The following LRCH2 variants were observed in gnomAD, a reference collection of about 807,000 sequenced individuals.
LRCH2 encodes the protein leucine-rich repeat and calponin homology domain-containing protein 2.
Under a neutral mutation model 68.9 loss-of-function variants are expected in LRCH2, and 38 were observed. That is an observed-to-expected ratio of 0.55 (90% CI 0.43 to 0.72). LRCH2 has a LOEUF of 0.72. Among genes scored for constraint, LRCH2 ranks in the 30% least tolerant of loss-of-function variants. LRCH2 has a pLI of 0.00. For missense variants in LRCH2, 528 were observed against 572.9 expected, an observed-to-expected ratio of 0.92 and a Z score of 0.80; for synonymous variants, 191 against 208.1, an observed-to-expected ratio of 0.92 and a Z score of 0.71.
chrX:115,135,481 T>C (rs1413892220), intron 14 of LRCH2, among the ~76,000 whole-genome samples: 1 of 111,229 alleles, frequency 9.0e-6, no homozygotes, highest in Non-Finnish European at 1.9e-5. Flanking sequence ...ATGATAAAAC[T>C]TTAACAAATA....
chrX:115,213,065 T>C (rs927305685), intron 1 of LRCH2, among the ~76,000 whole-genome samples: 1 of 110,347 alleles, frequency 9.1e-6, no homozygotes, highest in African/African-American at 3.3e-5. Flanking sequence ...TCCTAGAGTG[T>C]TGGGATTACA....
intron 3 of LRCH2, among the ~76,000 whole-genome samples, chrX:115,180,143 A>G (rs1310114679): frequency 8.9e-6 from 1 of 111,746 alleles, no homozygotes; most frequent in Non-Finnish European, 1.9e-5. Flanking sequence ...TTGTCTCGAG[A>G]TACTTGGCTG....
At chrX:115,132,862 T>C (rs1452485701) in intron 14 of LRCH2, among the ~76,000 whole-genome samples, 6 of 112,235 alleles carry the variant, frequency 5.3e-5, no homozygotes, top group Non-Finnish European at 9.4e-5. Flanking sequence ...GTGGTTACTC[T>C]GTGGCAAGTG....
At chrX:115,145,816 G>A (rs782598326) in intron 14 of LRCH2, among the ~76,000 whole-genome samples, 2 of 111,506 alleles carry the variant, frequency 1.8e-5, no homozygotes, top group South Asian at 7.5e-4. Flanking sequence ...TGGAGAAAAG[G>A]GAACCCTCGT....
chrX:115,125,063 C>T (rs2072174626), intron 16 of LRCH2, among the ~76,000 whole-genome samples: 1 of 110,659 alleles, frequency 9.0e-6, no homozygotes, highest in South Asian at 3.9e-4. Context: ...TTTGTCTTCA[C>T]TATTTTGGTT....
At chrX:115,155,848 G>C (rs2072470602) in intron 12 of LRCH2, among the ~76,000 whole-genome samples, 1 of 111,763 alleles carries the variant, frequency 8.9e-6, no homozygotes, top group East Asian at 2.8e-4. Context: ...GAATGTACAA[G>C]ATGAAGCTCT....
intron 1 of LRCH2, among the ~76,000 whole-genome samples, chrX:115,193,369 C>T (rs2072861064): frequency 9.0e-6 from 1 of 111,554 alleles, no homozygotes; most frequent in African/African-American, 3.3e-5. Flanking sequence ...ACCTCAAATT[C>T]TACAAATATA....
At chrX:115,158,810 C>T (rs1182283445) in intron 11 of LRCH2, among the ~76,000 whole-genome samples, 3 of 111,723 alleles carry the variant, frequency 2.7e-5, no homozygotes, top group African/African-American at 9.7e-5. Context: ...ATATTTTAAT[C>T]CTTTCTTTAG....
At chrX:115,150,704 C>T (rs1390344313) in intron 12 of LRCH2, among the ~76,000 whole-genome samples, 1 of 109,025 alleles carries the variant, frequency 9.2e-6, no homozygotes, top group African/African-American at 3.3e-5. Context: ...AGTGCAATAA[C>T]AAAAAGAAAA....
At chrX:115,190,108 G>A (rs1569515651) in intron 1 of LRCH2, 10 of 1,155,608 alleles carry the variant, frequency 8.7e-6, no homozygotes, top group Non-Finnish European at 1.2e-5. Context: ...TGGAATGCCT[G>A]GGAAGGCCCC....
intron 15 of LRCH2, among the ~76,000 whole-genome samples, chrX:115,128,246 T>G (rs781872583): frequency 3.1e-4 from 35 of 111,798 alleles, no homozygotes; most frequent in African/African-American, 1.1e-3. Flanking sequence ...TAAGAAAATG[T>G]TTTCTGTCAA....
Position 115,122,961 on chromosome X carries a change from C to G in LRCH2, c.1963-64G>C, listed in dbSNP as rs1218063017. On this transcript the variant is annotated intron_variant, in intron 18 of 20. Coordinates refer to ENST00000317135, the MANE Select transcript of LRCH2 (RefSeq NM_020871.4). ...ACATACATGTTAAATGTTTATATTACTAATTGTTGTATATCCAAACATTTT... is the reference window on the plus strand; with the variant it reads ...ACATACATGTTAAATGTTTATATTAGTAATTGTTGTATATCCAAACATTTT... The G allele has an allele frequency of 1.2e-5, 13 of 1,090,879 alleles. No individual in the cohort carries two copies. The Admixed American group carries it at 2.0e-4, about 17-fold the overall frequency. 89.9% of individuals were successfully genotyped at this position (1,090,879 alleles called of 1,213,427 possible).
At chrX:115,159,454 T>TA (rs782014841) in intron 11 of LRCH2, among the ~76,000 whole-genome samples, 1,741 of 106,287 alleles carry the variant, frequency 0.016, 35 homozygotes, top group Admixed American at 0.079. Context: ...GTTTATCAAT[T>TA]AAAAAAAAAA....
At chrX:115,137,658 G>C (rs2072301210) in intron 14 of LRCH2, among the ~76,000 whole-genome samples, 1 of 111,884 alleles carries the variant, frequency 8.9e-6, no homozygotes, top group South Asian at 3.7e-4. Context: ...AGAAATGGAA[G>C]CGAACGCCAG....
At chrX:115,137,668 G>A (rs1194843451) in intron 14 of LRCH2, among the ~76,000 whole-genome samples, 1 of 111,977 alleles carries the variant, frequency 8.9e-6, no homozygotes, top group Non-Finnish European at 1.9e-5. Context: ...GCGAACGCCA[G>A]ATTGCAGTGG....
At chrX:115,211,740 T>C (rs1556570069) in intron 1 of LRCH2, among the ~76,000 whole-genome samples, 1 of 109,394 alleles carries the variant, frequency 9.1e-6, no homozygotes, top group Non-Finnish European at 1.9e-5. Flanking sequence ...AGAAGAATTC[T>C]AAATCTAACA....
chrX:115,219,965 A>T (rs904369730), intron 1 of LRCH2, among the ~76,000 whole-genome samples: 2 of 110,451 alleles, frequency 1.8e-5, no homozygotes, highest in African/African-American at 3.3e-5. Flanking sequence ...TGTCCTACAC[A>T]CAAATAGTAT....
At chrX:115,169,227 A>G (rs1449935829) in intron 6 of LRCH2, among the ~76,000 whole-genome samples, 2 of 112,083 alleles carry the variant, frequency 1.8e-5, no homozygotes, top group Non-Finnish European at 3.8e-5. Context: ...CTACATTGTG[A>G]GCACCAAGAG....
At chrX:115,203,643 G>A (rs1348167722) in intron 1 of LRCH2, among the ~76,000 whole-genome samples, 16 of 112,714 alleles carry the variant, frequency 1.4e-4, no homozygotes, top group South Asian at 7.3e-4. Context: ...CAATGGGGAA[G>A]TCATTAAAGC....
Sources: allele counts gnomAD v4.1 joint callset (sites outside exome capture counted in the v4.1 genomes callset), GRCh38; gene constraint gnomAD v4.1.1; transcripts MANE v1.5; gene names NCBI Gene and HGNC (gene_info 2026-07-23, HGNC 2026-07-21).